TPRN: variants seen among roughly 807,000 people sequenced by gnomAD.
The protein encoded by TPRN is taperin.
In TPRN, 32 loss-of-function variants were observed where a neutral mutation model predicts 42.6. The ratio of observed to expected loss-of-function variants is 0.75; its 90% CI spans 0.57 to 1.01. The LOEUF (loss-of-function observed/expected upper bound fraction) is 1.01. TPRN is among the 50% of genes least tolerant of loss of function. The pLI is 0.00. For synonymous variants in TPRN, 541 were observed against 445.6 expected (o/e 1.21, Z -2.70); for missense variants, 1,095 against 957.5 (o/e 1.14, Z -1.90).
Position 137,199,133 on chromosome 9 carries a change from GT to G in TPRN, c.1578del (p.Arg527GlyfsTer16). ...CTAGCCTCCTCCTCCTCGGCCTCCC[GT>G]GGCCGAGGCTCCCTGTTGGCCTGAC... ...HFSQANREPR[P>X]REAEEEEASC... On this transcript the variant is annotated frameshift_variant, in exon 1 of 4. Transcript: ENST00000409012. LOFTEE classifies it high-confidence loss of function. The G allele has an allele frequency of 6.2e-7, 1 of 1,613,202 alleles. No homozygotes were observed. The highest frequency in any genetic ancestry group is 8.5e-7 in the Non-Finnish European group (1 of 1,179,998).
At chr9:137,198,001 G>A (rs1292701154) in intron 1 of TPRN, among the ~76,000 whole-genome samples, 2 of 152,226 alleles carry the variant, frequency 1.3e-5, no homozygotes, top group Non-Finnish European at 2.9e-5. Flanking sequence ...GGAGGCAGCA[G>A]CCTATCTGCT....
chr9:137,192,957 G>A (rs1834649302), intron 1 of TPRN: 1 of 534,340 alleles, frequency 1.9e-6, no homozygotes, highest in South Asian at 2.2e-5. Flanking sequence ...AAGCCTCTGG[G>A]TCCCCAGAAG....
At chr9:137,196,946 G>A (rs75173432) in intron 1 of TPRN, among the ~76,000 whole-genome samples, 2,727 of 152,296 alleles carry the variant, frequency 0.018, 95 homozygotes, top group African/African-American at 0.062. Context: ...CCTTCAGGCT[G>A]GCCCGAGCTC....
At position 137,200,441 on chromosome 9, in the gene TPRN, C is replaced by T. The variant is rs1281849633; in HGVS notation, c.271G>A (p.Ala91Thr). ...ERYRRVPGVR[A>T]LRADSVLIIE... Reference sequence around the variant, plus strand: ...ATGAGGACGCTGTCGGCGCGGAGGGCGCGCACGCCAGGCACGCGGCGGTAC... The same window carrying T: ...ATGAGGACGCTGTCGGCGCGGAGGGTGCGCACGCCAGGCACGCGGCGGTAC... Residue 91 changes from alanine (A) to threonine (T), a missense_variant, in exon 1 of 4, where the codon GCC (alanine) becomes ACC (threonine). By Grantham distance (58) the Ala-to-Thr change is moderately conservative. Transcript: ENST00000409012. The surrounding 1 kb of genome is among the most constrained non-coding windows in gnomAD (Gnocchi z 4.3). 1.5e-5 allele frequency: 17 copies of T among 1,120,636 alleles called. No homozygotes were observed. The highest frequency in any genetic ancestry group is 1.9e-5 in the Non-Finnish European group (17 of 915,154). The allele number at this position is 1,120,636 out of a possible 1,614,324, so 69.4% of individuals were successfully genotyped here.
rs1254356233 is a variant in TPRN at position 137,199,222 on chromosome 9, C to A, written c.1490G>T (p.Gly497Val). The stretch of plus-strand genomic sequence containing the variant: ...GGGCACCACTGTGAAGGTGTTGCTG[C>A]CCCGGGGCTGAAGCTCTGCCACGCA... The part of the protein sequence containing the change: ...PGCVAELQPR[G>V]SNTFTVVPKR... Residue 497 changes from glycine (G) to valine (V), a missense_variant, in exon 1 of 4, where the codon GGC becomes GTC. Transcript: ENST00000409012. 4 of 1,613,056 alleles carry A rather than the reference C, an allele frequency of 2.5e-6. No homozygotes were observed. The East Asian group carries it at 8.9e-5, about 36-fold the overall frequency.
At position 137,200,633 on chromosome 9, in the gene TPRN, G is replaced by A. The variant is rs1277581293; in HGVS notation, c.79C>T (p.Arg27Trp). The change falls in exon 1 of 4, where the codon CGG becomes TGG. Residue 27 changes from arginine to tryptophan, a missense_variant. Arg to Trp is a moderately radical substitution (Grantham distance 101). Transcript: ENST00000409012. The surrounding 1 kb of genome is among the most constrained non-coding windows in gnomAD (Gnocchi z 4.3). ...CCGCCCAGCGCGGCTAGCTTGGCCC[G>A]CTTCCGCTCCAGGATCTCACGCTTC... ...AWKREILERK[R>W]AKLAALGGGA... is the part of the protein sequence containing the mutation. 2 of 1,194,222 alleles carry A rather than the reference G, an allele frequency of 1.7e-6. No homozygotes were observed. The highest frequency in any genetic ancestry group is 2.8e-5 in the South Asian group (1 of 35,484). The allele number at this position is 1,194,222 out of a possible 1,614,324, so 74.0% of individuals were successfully genotyped here. A position where few individuals can be genotyped will look rare whatever the true frequency, so the allele number is the denominator to read the frequency against.
Position 137,192,675 on chromosome 9 carries a change from T to C in TPRN, c.1742A>G (p.Asn581Ser), listed in dbSNP as rs773521640. ...SSRKKMKISF[N>S]DKSLQTTFEY... ...AAATGTGGTCTGCAGGCTTTTGTCG[T>C]TGAAGGAGATCTTCATCTGGGAGTG... Residue 581 changes from asparagine to serine, a missense_variant, in exon 2 of 4, where the codon AAC becomes AGC. By Grantham distance (46) the Asn-to-Ser change is conservative (BLOSUM62 1). Coordinates refer to ENST00000409012, the MANE Select transcript of TPRN (RefSeq NM_001128228.3). 1.5e-5 allele frequency: 24 copies of C among 1,613,714 alleles called. No homozygotes were observed. Among genetic ancestry groups the C allele is most frequent in the South Asian group, 3.3e-5 (3 of 91,090 alleles).
chr9:137,197,014 T>C (rs1300639250), intron 1 of TPRN, among the ~76,000 whole-genome samples: 4 of 152,196 alleles, frequency 2.6e-5, no homozygotes, highest in Admixed American at 6.5e-5. Flanking sequence ...CCACTGCATC[T>C]TCCTGCTCCT....
At position 137,199,203 on chromosome 9, in the gene TPRN, C is replaced by A. The variant is rs1270510770; in HGVS notation, c.1509G>T (p.Val503=). The part of the protein sequence containing the change: ...LQPRGSNTFT[V]VPKRKPGTLQ... ...GAGTCCCTGGCTTCCTCTTGGGCACCACTGTGAAGGTGTTGCTGCCCCGGG... is the reference window on the plus strand; with the variant it reads ...GAGTCCCTGGCTTCCTCTTGGGCACAACTGTGAAGGTGTTGCTGCCCCGGG... Residue 503 remains valine (V), a synonymous_variant, in exon 1 of 4, where the codon GTG becomes GTT. Transcript: ENST00000409012. 1 of 1,613,176 alleles carries A rather than the reference C, an allele frequency of 6.2e-7. No individual in the cohort carries two copies. Among genetic ancestry groups the A allele is most frequent in the South Asian group, 1.1e-5 (1 of 91,084 alleles).
chr9:137,199,034 C>A lies in TPRN; in HGVS notation c.1678G>T (p.Ala560Ser). 2 of 1,613,116 alleles carry A rather than the reference C, an allele frequency of 1.2e-6. No homozygotes were observed. The highest frequency in any genetic ancestry group is 1.7e-6 in the Non-Finnish European group (2 of 1,179,992). The change falls in exon 1 of 4, where the codon GCC becomes TCC. Residue 560 changes from alanine to serine, a missense_variant. By Grantham distance (99) the Ala-to-Ser change is moderately conservative (BLOSUM62 1). Transcript: ENST00000409012. ...HEIEVIGGYL[A>S]LQKSCLTKAG... Reference sequence around the variant, plus strand: ...TTGGTGAGGCAGGACTTCTGCAGGGCCAGGTAGCCGCCAATCACCTCGATC... The same window carrying A: ...TTGGTGAGGCAGGACTTCTGCAGGGACAGGTAGCCGCCAATCACCTCGATC...
chr9:137,200,400 G>C lies in TPRN; in HGVS notation c.312C>G (p.Pro104=). 4.5e-6 allele frequency: 5 copies of C among 1,114,252 alleles called. No homozygotes were observed. Among genetic ancestry groups the C allele is most frequent in the Non-Finnish European group, 4.4e-6 (4 of 910,220 alleles). 69.0% of individuals were successfully genotyped at this position (1,114,252 alleles called of 1,614,324 possible). A position where few individuals can be genotyped will look rare whatever the true frequency, so the allele number is the denominator to read the frequency against. ...GGGCGGGCGGCGCGGGCGGGAAGCC[G>C]GGCACCGTCTCGATGATGAGGACGC... ...ADSVLIIETV[P]GFPPAPPAPG... The change falls in exon 1 of 4, where the codon CCC becomes CCG. Residue 104 remains proline (P), a synonymous_variant. Coordinates refer to ENST00000409012, the MANE Select transcript of TPRN (RefSeq NM_001128228.3). This position sits in a 1 kb window ranked among gnomAD's most constrained non-coding sequence, Gnocchi z 4.3.
chr9:137,195,726 T>G (rs914109879), intron 1 of TPRN, among the ~76,000 whole-genome samples: 14 of 149,618 alleles, frequency 9.4e-5, no homozygotes, highest in Non-Finnish European at 8.9e-5. Context: ...AGGAGGGGAG[T>G]AGGGCAGAGG....
At position 137,200,019 on chromosome 9, in the gene TPRN, C is replaced by G. The variant is rs910684247; in HGVS notation, c.693G>C (p.Arg231=). 1 of 1,443,386 alleles carries G rather than the reference C, an allele frequency of 6.9e-7. No individual in the cohort carries two copies. The highest frequency in any genetic ancestry group is 2.8e-5 in the Admixed American group (1 of 35,926). The allele number at this position is 1,443,386 out of a possible 1,614,324, so 89.4% of individuals were successfully genotyped here. Residue 231 remains arginine (R), a synonymous_variant, in exon 1 of 4, where the codon CGG becomes CGC. Coordinates refer to ENST00000409012, the MANE Select transcript of TPRN (RefSeq NM_001128228.3). This position sits in a 1 kb window ranked among gnomAD's most constrained non-coding sequence, Gnocchi z 4.3. ...LSNGHSAPEP[R]AGPANRLAGS... is the part of the protein sequence containing the mutation. ...CCGCGAGGCGGTTGGCAGGGCCGGC[C>G]CGGGGCTCAGGGGCCGAGTGCCCGT...
At position 137,200,328 on chromosome 9, in the gene TPRN, C is replaced by T. The variant is rs1463145518; in HGVS notation, c.384G>A (p.Ala128=). ...IRAAEVLVYG[A]PPGRVSRLLE... ...GTAGGCGGCTGACGCGGCCGGGCGG[C>T]GCCCCGTACACCAGCACCTCGGCGG... The change falls in exon 1 of 4, where the codon GCG becomes GCA. Residue 128 remains alanine, a synonymous_variant. Transcript: ENST00000409012. The surrounding 1 kb of genome is among the most constrained non-coding windows in gnomAD (Gnocchi z 4.3). 15 of 1,010,532 alleles carry T rather than the reference C, an allele frequency of 1.5e-5. No individual in the cohort carries two copies. Among genetic ancestry groups the T allele is most frequent in the Non-Finnish European group, 1.8e-5 (15 of 850,676 alleles). 62.6% of individuals were successfully genotyped at this position (1,010,532 alleles called of 1,614,324 possible). A position where few individuals can be genotyped will look rare whatever the true frequency, so the allele number is the denominator to read the frequency against.
rs1395294340 is a variant in TPRN at position 137,200,334 on chromosome 9, G to A, written c.378C>T (p.Tyr126=). 2.0e-6 allele frequency: 2 copies of A among 1,022,444 alleles called. No homozygotes were observed. The highest frequency in any genetic ancestry group is 1.2e-6 in the Non-Finnish European group (1 of 858,806). The allele number at this position is 1,022,444 out of a possible 1,614,324, so 63.3% of individuals were successfully genotyped here. ...GGCTGACGCGGCCGGGCGGCGCCCC[G>A]TACACCAGCACCTCGGCGGCGCGGA... ...AQIRAAEVLV[Y]GAPPGRVSRL... Residue 126 remains tyrosine, a synonymous_variant, in exon 1 of 4, where the codon TAC becomes TAT. Transcript: ENST00000409012. This position sits in a 1 kb window ranked among gnomAD's most constrained non-coding sequence, Gnocchi z 4.3.
rs1361585941 is a variant in TPRN, at chr9:137,191,682, G to C, written c.*430C>G. 5 of 336,666 alleles carry C rather than the reference G, an allele frequency of 1.5e-5. No individual in the cohort carries two copies. The highest frequency in any genetic ancestry group is 5.0e-5 in the South Asian group (2 of 40,110). 20.9% of individuals were successfully genotyped at this position (336,666 alleles called of 1,614,324 possible). ...CAGGAAAGACGCCACTCATCACAGA[G>C]GGCATGTGGGCTGCGGGCAGGGGCT... On this transcript the variant is annotated 3_prime_UTR_variant, in exon 4 of 4. Coordinates refer to ENST00000409012, the MANE Select transcript of TPRN (RefSeq NM_001128228.3).
Position 137,199,673 on chromosome 9 carries a change from C to T in TPRN, c.1039G>A (p.Gly347Arg). 6.3e-7 allele frequency: 1 copy of T among 1,598,804 alleles called. No homozygotes were observed. The highest frequency in any genetic ancestry group is 8.5e-7 in the Non-Finnish European group (1 of 1,173,454). Reference protein sequence around the residue: ...SKASGAPPPEGRQSVELPKGD... With the variant: ...SKASGAPPPERRQSVELPKGD... ...TTTGGCAGCTCCACGGACTGCCTCC[C>T]CTCAGGAGGAGGAGCCCCGGAGGCC... is the stretch of plus-strand genomic sequence containing the variant. The change falls in exon 1 of 4, where the codon GGG (glycine) becomes AGG (arginine). Residue 347 changes from glycine to arginine, a missense_variant. Physicochemically the swap from Gly to Arg is moderately radical, Grantham distance 125. Transcript: ENST00000409012.
chr9:137,200,207 G>C lies in TPRN; in HGVS notation c.505C>G (p.Pro169Ala), dbSNP rs1031861382. ...GGCGGGCTGGGGGCCGCGGGCGGGG[G>C]CCGGGGCGGCGCGGGCGGCGGCGGC... ...PPPPPPAPPR[P>A]PPAAPSPPAA... Residue 169 changes from proline to alanine, a missense_variant, in exon 1 of 4, where the codon CCC becomes GCC. Physicochemically the swap from Pro to Ala is conservative, Grantham distance 27 (BLOSUM62 -1). Coordinates refer to ENST00000409012, the MANE Select transcript of TPRN (RefSeq NM_001128228.3). This position sits in a 1 kb window ranked among gnomAD's most constrained non-coding sequence, Gnocchi z 4.3. 2 of 949,958 alleles carry C rather than the reference G, an allele frequency of 2.1e-6. No homozygotes were observed. Among genetic ancestry groups the C allele is most frequent in the Non-Finnish European group, 2.5e-6 (2 of 802,168 alleles). The allele number at this position is 949,958 out of a possible 1,614,324, so 58.8% of individuals were successfully genotyped here.
At position 137,196,844 on chromosome 9, in the gene TPRN, C is replaced by T. The variant is rs573543503; in HGVS notation, c.1725+2143G>A. Among the ~76,000 whole-genome samples, 12 of 152,320 alleles carry T rather than the reference C, an allele frequency of 7.9e-5. No individual in the cohort carries two copies. In the South Asian group the frequency reaches 1.9e-3, roughly 24 times the overall value. ...GCAGGGCAGCTGGCCTGTACCCAGG[C>T]GGGAAGTCACAGCCAGCAGGTCATG... On this transcript the variant is annotated intron_variant, in intron 1 of 3. Coordinates refer to ENST00000409012, the MANE Select transcript of TPRN (RefSeq NM_001128228.3).
Sources: gnomAD v4.1 joint callset for allele counts (sites outside exome capture counted in the v4.1 genomes callset) on GRCh38, gnomAD v4.1.1 for gene constraint, Gnocchi (gnomAD v3.1) non-coding constraint, MANE v1.5 for transcripts, NCBI Gene and HGNC (gene_info 2026-07-23, HGNC 2026-07-21) for gene names.